The following PLPPR4 variants were observed in gnomAD, a reference collection of about 807,000 sequenced individuals.
The protein encoded by PLPPR4 is phospholipid phosphatase-related protein type 4.
In PLPPR4, 24 loss-of-function variants were observed where a neutral mutation model predicts 56.6. The observed-to-expected ratio is 0.42, with a 90% confidence interval of 0.31 to 0.60. PLPPR4 has a LOEUF of 0.60. PLPPR4 is among the 20% of genes least tolerant of loss of function. PLPPR4 has a pLI of 0.13. For missense variants in PLPPR4, 654 were observed against 885.8 expected, an observed-to-expected ratio of 0.74 and a Z score of 3.32; for synonymous variants, 326 against 328.1, an observed-to-expected ratio of 0.99 and a Z score of 0.07.
intron 5 of PLPPR4, among the ~76,000 whole-genome samples, chr1:99,301,244 G>A (rs1659875683): frequency 6.6e-6 from 1 of 151,622 alleles, no homozygotes; most frequent in Admixed American, 6.6e-5. Flanking sequence ...TGAATTATAG[G>A]AATGTTACAA....
At chr1:99,289,494 T>C (rs1334741563) in intron 2 of PLPPR4, among the ~76,000 whole-genome samples, 1 of 152,090 alleles carries the variant, frequency 6.6e-6, no homozygotes, top group Non-Finnish European at 1.5e-5. Context: ...TAATGAGTTA[T>C]TCTATAGTGA....
intron 1 of PLPPR4, among the ~76,000 whole-genome samples, chr1:99,285,174 T>A (rs819766): frequency 6.6e-6 from 1 of 152,170 alleles, no homozygotes; most frequent in Non-Finnish European, 1.5e-5. Context: ...AAAATCCACC[T>A]CTGTCACTTA....
chr1:99,301,927 A>G, intron 6 of PLPPR4, 30 bp downstream of exon 6: 1 of 1,499,744 alleles, frequency 6.7e-7, no homozygotes, highest in Non-Finnish European at 9.1e-7. Context: ...CTTATAAGCC[A>G]AAGTTTAAAA....
chr1:99,294,703 A>T (rs1659700279), intron 2 of PLPPR4, among the ~76,000 whole-genome samples: 1 of 152,032 alleles, frequency 6.6e-6, no homozygotes, highest in Non-Finnish European at 1.5e-5. Flanking sequence ...CTCAAAAAAA[A>T]AAAAAAAAAA....
upstream of PLPPR4, chr1:99,264,259 C>T: frequency 1.7e-6 from 1 of 575,434 alleles, no homozygotes; most frequent in Non-Finnish European, 3.0e-6. Context: ...GTCGCAAGGG[C>T]GGTAGAGAGC....
At chr1:99,267,999 C>CTT (rs141954480) in intron 1 of PLPPR4, among the ~76,000 whole-genome samples, 10,501 of 152,194 alleles carry the variant, frequency 0.069, 581 homozygotes, top group East Asian at 0.17. Context: ...AACTGAAACT[C>CTT]ATAAAAGTTA....
chr1:99,283,464 A>T (rs115702461), intron 1 of PLPPR4, among the ~76,000 whole-genome samples: 1 of 152,248 alleles, frequency 6.6e-6, no homozygotes, highest in Admixed American at 6.5e-5. Flanking sequence ...TGGCATCAGA[A>T]AAATCAATGT....
At chr1:99,287,078 C>T (rs1257693453) in intron 1 of PLPPR4, among the ~76,000 whole-genome samples, 1 of 152,086 alleles carries the variant, frequency 6.6e-6, no homozygotes, top group Non-Finnish European at 1.5e-5. Context: ...GTGTTGTTCC[C>T]CTGTCTGTGT....
chr1:99,279,068 T>C (rs368340507), intron 1 of PLPPR4, among the ~76,000 whole-genome samples: 6 of 152,318 alleles, frequency 3.9e-5, no homozygotes, highest in African/African-American at 1.2e-4. Flanking sequence ...TGTCTCAACA[T>C]TTGGTATCTC....
In PLPPR4 at chr1:99,305,733, C is replaced by G. The variant is rs763694917; in HGVS notation, c.871C>G (p.Gln291Glu). ...CCTGCCCAGTGATGAGAGTATGTTT[C>G]AGCACAGAGACGCCCTCAGGTCTCT... ...NFLPSDESMF[Q>E]HRDALRSLTD... Residue 291 changes from glutamine to glutamate, a missense_variant, in exon 7 of 7, where the codon CAG (glutamine) becomes GAG (glutamate). Coordinates refer to ENST00000370185, the MANE Select transcript of PLPPR4 (RefSeq NM_014839.5). The G allele has an allele frequency of 3.1e-6, 5 of 1,613,814 alleles. No homozygotes were observed. The African/African-American group carries it at 6.7e-5, about 22-fold the overall frequency.
chr1:99,303,830 T>A (rs1659946383), intron 6 of PLPPR4, among the ~76,000 whole-genome samples: 1 of 152,214 alleles, frequency 6.6e-6, no homozygotes, highest in Admixed American at 6.5e-5. Flanking sequence ...CCAGGAATTG[T>A]GCATAAGCCT....
In PLPPR4 at chr1:99,296,776, CA is replaced by C; in HGVS notation, c.307del (p.Arg103GlufsTer7). The C allele has an allele frequency of 6.2e-7, 1 of 1,605,034 alleles. No homozygotes were observed. Among genetic ancestry groups the C allele is most frequent in the South Asian group, 1.1e-5 (1 of 89,806 alleles). On this transcript the variant is annotated frameshift_variant, in exon 3 of 7. Coordinates refer to ENST00000370185, the MANE Select transcript of PLPPR4 (RefSeq NM_014839.5). LOFTEE classifies it high-confidence loss of function. ...AAGGAATTCTCTACTGTTGCCTCTC[CA>C]AAAGAAGAAATGGGGTCGGACTAGA... ...GEGILYCCLSKRRNGVGLEPN... is the reference protein window; with the variant it reads ...GEGILYCCLSXRRNGVGLEPN...
rs765393772 is a variant in PLPPR4 at position 99,306,416 on chromosome 1, C to T, written c.1554C>T (p.Ala518=). 1.9e-6 allele frequency: 3 copies of T among 1,614,154 alleles called. No individual in the cohort carries two copies. Among genetic ancestry groups the T allele is most frequent in the South Asian group, 2.2e-5 (2 of 91,086 alleles). The part of the protein sequence containing the change: ...KWLKAAEKTV[A]CNRSNSQPRI... ...TAAAAGCTGCTGAAAAGACTGTGGCCTGTAACAGAAGCAACAGCCAGCCCC... is the reference window on the plus strand; with the variant it reads ...TAAAAGCTGCTGAAAAGACTGTGGCTTGTAACAGAAGCAACAGCCAGCCCC... The change falls in exon 7 of 7, where the codon GCC becomes GCT. Residue 518 remains alanine (A), a synonymous_variant. Coordinates refer to ENST00000370185, the MANE Select transcript of PLPPR4 (RefSeq NM_014839.5). This position sits in a 1 kb window ranked among gnomAD's most constrained non-coding sequence, Gnocchi z 4.0.
intron 2 of PLPPR4, among the ~76,000 whole-genome samples, chr1:99,295,901 G>C (rs1659728004): frequency 6.6e-6 from 1 of 152,184 alleles, no homozygotes; most frequent in Non-Finnish European, 1.5e-5. Context: ...TAGAGGGAAG[G>C]ATAAGATGCT....
chr1:99,265,144 GCCC>G (rs36036890), intron 1 of PLPPR4, among the ~76,000 whole-genome samples: 21,179 of 140,884 alleles, frequency 0.15, 2,096 homozygotes, highest in African/African-American at 0.28. Flanking sequence ...TATTGCTCCT[GCCC>G]CCCCCCCCCA....
chr1:99,293,648 G>T (rs544215308), intron 2 of PLPPR4, among the ~76,000 whole-genome samples: 4 of 152,176 alleles, frequency 2.6e-5, no homozygotes, highest in South Asian at 4.1e-4. Context: ...CTAGCTCCTG[G>T]AATAGCCTTA....
rs1658844829 is a variant in PLPPR4 at position 99,264,610 on chromosome 1, G to A, written c.17G>A (p.Arg6Lys). ...GCGGCAGGGATGTCGGCGAAGGAGAGGCCAAAGGGCAAAGTGATCAAGGAC... is the reference window on the plus strand; with the variant it reads ...GCGGCAGGGATGTCGGCGAAGGAGAAGCCAAAGGGCAAAGTGATCAAGGAC... MSAKE[R>K]PKGKVIKDSV... Residue 6 changes from arginine (R) to lysine (K), a missense_variant, in exon 1 of 7, where the codon AGG (arginine) becomes AAG (lysine). Physicochemically the swap from Arg to Lys is conservative, Grantham distance 26. Around this residue, in one of 2 missense-constraint regions of PLPPR4, gnomAD observed 186 missense variants for 331.4 expected, o/e 0.56. Coordinates refer to ENST00000370185, the MANE Select transcript of PLPPR4 (RefSeq NM_014839.5). The A allele has an allele frequency of 6.4e-7, 1 of 1,550,792 alleles. No individual in the cohort carries two copies. The highest frequency in any genetic ancestry group is 8.7e-7 in the Non-Finnish European group (1 of 1,147,006).
chr1:99,292,207 A>C (rs943265783), intron 2 of PLPPR4, among the ~76,000 whole-genome samples: 6 of 152,130 alleles, frequency 3.9e-5, no homozygotes, highest in African/African-American at 1.4e-4. Flanking sequence ...AGGAAAGCAA[A>C]TTTAGTTGTG....
At chr1:99,281,632 T>C (rs1659328912) in intron 1 of PLPPR4, among the ~76,000 whole-genome samples, 1 of 152,200 alleles carries the variant, frequency 6.6e-6, no homozygotes, top group Non-Finnish European at 1.5e-5. Context: ...AAGATCATAC[T>C]GTAGGAAGTA....
Sources: gnomAD v4.1 joint callset for allele counts (sites outside exome capture counted in the v4.1 genomes callset) on GRCh38, gnomAD v4.1.1 for gene constraint, gnomAD v4.1.1 regional missense constraint, Gnocchi (gnomAD v3.1) non-coding constraint, MANE v1.5 for transcripts, NCBI Gene and HGNC (gene_info 2026-07-23, HGNC 2026-07-21) for gene names.